The following KSR2 variants were observed in gnomAD, a reference collection of about 807,000 sequenced individuals.
KSR2 encodes the protein kinase suppressor of ras 2.
KSR2 carries 25 observed loss-of-function variants against 107.8 expected under a neutral mutation model. That is an observed-to-expected ratio of 0.23 (90% CI 0.17 to 0.32). KSR2 has a LOEUF of 0.32. Ranked by LOEUF, KSR2 falls within the 10% of genes least tolerant of loss-of-function variation. The pLI, the probability that KSR2 is intolerant of heterozygous loss-of-function variation, is 1.00. For missense variants in KSR2, 887 were observed against 1,268.9 expected (o/e 0.70, Z 4.57); for synonymous variants, 480 against 507.0 (o/e 0.95, Z 0.71).
At chr12:117,567,590 T>A (rs999967563) in intron 7 of KSR2, among the ~76,000 whole-genome samples, 1 of 151,520 alleles carries the variant, frequency 6.6e-6, no homozygotes, top group East Asian at 1.9e-4. Flanking sequence ...CCCCTCTCAT[T>A]ATCTTCCCTA....
chr12:117,942,198 A>G (rs1017819771), intron 1 of KSR2, among the ~76,000 whole-genome samples: 2 of 152,158 alleles, frequency 1.3e-5, no homozygotes, highest in African/African-American at 4.8e-5. Context: ...CACCTCAAAC[A>G]TTTATCATTT....
intron 1 of KSR2, among the ~76,000 whole-genome samples, chr12:117,892,016 C>T (rs573983925): frequency 3.4e-5 from 3 of 89,182 alleles, no homozygotes; most frequent in South Asian, 4.7e-4. Context: ...AACCACATAA[C>T]GGCCCAGTGC....
rs371795084 is a variant in KSR2, at chr12:117,539,898, A to T, written c.1519-11T>A. ...GACAGGGATGTGGTCCTGCAGAGAG[A>T]AAACAGGGTAGGAGTCAGGGACAGG... is the stretch of plus-strand genomic sequence containing the variant. On this transcript the variant is annotated splice_polypyrimidine_tract_variant and intron_variant, in intron 9 of 19. Coordinates refer to ENST00000339824, the MANE Select transcript of KSR2 (RefSeq NM_173598.6). The T allele has an allele frequency of 1.9e-6, 3 of 1,595,008 alleles. No homozygotes were observed. The highest frequency in any genetic ancestry group is 1.4e-5 in the African/African-American group (1 of 73,610).
In KSR2 at chr12:117,525,075, G is replaced by C; in HGVS notation, c.1996C>G (p.Leu666Val). 6.2e-7 allele frequency: 1 copy of C among 1,614,020 alleles called. No individual in the cohort carries two copies. Among genetic ancestry groups the C allele is most frequent in the Non-Finnish European group, 8.5e-7 (1 of 1,179,892 alleles). The change falls in exon 14 of 20, where the codon CTG becomes GTG. Residue 666 changes from leucine (L) to valine (V), a missense_variant. This residue lies in a region of KSR2 where 308 missense variants were observed against 506.2 expected (regional missense o/e 0.61). Transcript: ENST00000339824. ...LQEWDIPFEQ[L>V]EIGELIGKGR... Reference sequence around the variant, plus strand: ...TTTCCAATGAGCTCGCCGATCTCCAGCTGCTCAAAGGGGATGTCCCACTCC... The same window carrying C: ...TTTCCAATGAGCTCGCCGATCTCCACCTGCTCAAAGGGGATGTCCCACTCC...
In KSR2 at chr12:117,466,881, G is replaced by C. The variant is rs12813784; in HGVS notation, c.*318C>G. On this transcript the variant is annotated 3_prime_UTR_variant, in exon 20 of 20. Transcript: ENST00000339824. ...CCCCCACGTGGGGTCTCCTGTCCTA[G>C]TCCCATAGCCCAAAGGCACCACGTG... The C allele has an allele frequency of 0.12, 39,587 of 336,046 alleles. 2,401 individuals carry two copies. The highest frequency in any genetic ancestry group is 0.15 in the East Asian group (3,266 of 22,500). The allele number at this position is 336,046 out of a possible 1,614,324, so 20.8% of individuals were successfully genotyped here.
Position 117,968,178 on chromosome 12 carries a change from C to A in KSR2, c.78G>T (p.Leu26=). The A allele has an allele frequency of 6.2e-7, 1 of 1,613,002 alleles. No homozygotes were observed. Among genetic ancestry groups the A allele is most frequent in the Non-Finnish European group, 8.5e-7 (1 of 1,179,634 alleles). ...TGCTCAAGTCTATCATGTTTTGGAC[C>A]AGTTCGCACTGCTGTAAGGCTTTTT... is the stretch of plus-strand genomic sequence containing the variant. ...SLQKALQQCE[L]VQNMIDLSIS... Residue 26 remains leucine, a synonymous_variant, in exon 1 of 20, where the codon CTG becomes CTT. Coordinates refer to ENST00000339824, the MANE Select transcript of KSR2 (RefSeq NM_173598.6).
At chr12:117,551,693 A>G (rs919212367) in intron 9 of KSR2, among the ~76,000 whole-genome samples, 2 of 152,228 alleles carry the variant, frequency 1.3e-5, no homozygotes, top group Non-Finnish European at 2.9e-5. Context: ...TCAGAAATGT[A>G]TTGCACTAAC....
chr12:117,646,684 G>A (rs753167910), intron 5 of KSR2, among the ~76,000 whole-genome samples: 48 of 152,104 alleles, frequency 3.2e-4, no homozygotes, highest in Non-Finnish European at 5.9e-4. Flanking sequence ...CTGAAGGGGC[G>A]CACCAGCACC....
Position 117,456,705 on chromosome 12 carries a change from A to T in KSR2, c.*10494T>A, listed in dbSNP as rs1001978073. The T allele has an allele frequency of 5.9e-5, 9 of 152,294 alleles. No homozygotes were observed. The highest frequency in any genetic ancestry group is 1.9e-4 in the African/African-American group (8 of 41,544). The allele number at this position is 152,294 out of a possible 1,614,324, so 9.4% of individuals were successfully genotyped here. A position where few individuals can be genotyped will look rare whatever the true frequency, so the allele number is the denominator to read the frequency against. ...CTCTGTTACCCTTCCCAATCCTGGGACTGCCGGAAGCTCCAGGGATTTGAT... is the reference window on the plus strand; with the variant it reads ...CTCTGTTACCCTTCCCAATCCTGGGTCTGCCGGAAGCTCCAGGGATTTGAT... On this transcript the variant is annotated 3_prime_UTR_variant, in exon 20 of 20. Transcript: ENST00000339824.
intron 3 of KSR2, among the ~76,000 whole-genome samples, chr12:117,800,586 T>C (rs1890798353): frequency 6.6e-6 from 1 of 152,220 alleles, no homozygotes; most frequent in Non-Finnish European, 1.5e-5. Flanking sequence ...ATTTTTATTT[T>C]TTAAATGTTA....
chr12:117,772,610 CAT>C (rs1180664097), intron 3 of KSR2, among the ~76,000 whole-genome samples: 27 of 150,752 alleles, frequency 1.8e-4, no homozygotes, highest in African/African-American at 4.9e-4. Context: ...CACACACACA[CAT>C]ACACACCATT....
intron 14 of KSR2, among the ~76,000 whole-genome samples, chr12:117,498,777 G>T (rs777713309): frequency 3.3e-5 from 5 of 152,172 alleles, no homozygotes; most frequent in Non-Finnish European, 4.4e-5. Context: ...GCTTTATAAA[G>T]GGGAGTTTCC....
At chr12:117,637,713 G>A (rs1405565066) in intron 5 of KSR2, among the ~76,000 whole-genome samples, 6 of 109,054 alleles carry the variant, frequency 5.5e-5, no homozygotes, top group Admixed American at 1.1e-4. Flanking sequence ...ACAGAGTCTC[G>A]CTCTGTTGCC....
At chr12:117,629,047 A>C (rs531414940) in intron 5 of KSR2, among the ~76,000 whole-genome samples, 1 of 152,372 alleles carries the variant, frequency 6.6e-6, no homozygotes, top group South Asian at 2.1e-4. Context: ...CCAGTTGCTA[A>C]GACCTTGGGA....
intron 1 of KSR2, among the ~76,000 whole-genome samples, chr12:117,910,259 C>G (rs982378721): frequency 2.6e-5 from 4 of 152,026 alleles, no homozygotes; most frequent in African/African-American, 9.7e-5. Flanking sequence ...AAAGAGTATG[C>G]CAAGAAAGTC....
chr12:117,481,460 G>T lies in KSR2; in HGVS notation c.2450+2956C>A, dbSNP rs543992225. Reference sequence around the variant, plus strand: ...CTCTCTCTCTCTTTCGGTGCACAGAGAAGAGGCCATATGAGGACACAGTAA... The same window carrying T: ...CTCTCTCTCTCTTTCGGTGCACAGATAAGAGGCCATATGAGGACACAGTAA... On this transcript the variant is annotated intron_variant, in intron 16 of 19. Transcript: ENST00000339824. Among the ~76,000 whole-genome samples the T allele has an allele frequency of 3.3e-5, 5 of 152,312 alleles. No individual in the cohort carries two copies. The East Asian group carries it at 9.6e-4, about 29-fold the overall frequency.
chr12:117,930,659 T>C (rs996990488), intron 1 of KSR2, among the ~76,000 whole-genome samples: 2 of 152,174 alleles, frequency 1.3e-5, no homozygotes, highest in Non-Finnish European at 2.9e-5. Context: ...CTCATGCCTA[T>C]ATTCCCAGTA....
At chr12:117,566,729 A>G (rs558206483) in intron 7 of KSR2, among the ~76,000 whole-genome samples, 44 of 152,308 alleles carry the variant, frequency 2.9e-4, no homozygotes, top group African/African-American at 9.9e-4. Flanking sequence ...CTCTGTGCCA[A>G]GGGCTATGCT....
intron 4 of KSR2, among the ~76,000 whole-genome samples, chr12:117,703,634 C>A (rs958380834): frequency 2.6e-5 from 4 of 152,174 alleles, no homozygotes; most frequent in African/African-American, 4.8e-5. Flanking sequence ...CACTGAAAAA[C>A]CACTTGTGTG....
Sources: gnomAD v4.1 joint callset for allele counts (sites outside exome capture counted in the v4.1 genomes callset) on GRCh38, gnomAD v4.1.1 for gene constraint, gnomAD v4.1.1 regional missense constraint, MANE v1.5 for transcripts, NCBI Gene and HGNC (gene_info 2026-07-23, HGNC 2026-07-21) for gene names.